Variants in GRM4 observed in about 807,000 individuals in gnomAD.
The protein encoded by GRM4 is glutamate metabotropic receptor 4, also known as metabotropic glutamate receptor 4.
A neutral mutation model predicts 81.7 loss-of-function variants in GRM4; 28 were observed. That is an observed-to-expected ratio of 0.34 (90% CI 0.25 to 0.47). The LOEUF (loss-of-function observed/expected upper bound fraction) is 0.47. Among genes scored for constraint, GRM4 ranks in the 20% least tolerant of loss-of-function variants. The probability of loss-of-function intolerance (pLI) is 1.00; values close to 1 mark genes in which losing one functional copy is unlikely to be tolerated. For missense variants in GRM4, 948 were observed against 1,290.0 expected, an observed-to-expected ratio of 0.73 and a Z score of 4.06; for synonymous variants, 488 against 528.8, an observed-to-expected ratio of 0.92 and a Z score of 1.06.
intron 2 of GRM4, chr6:34,110,965 A>C (rs1769351781): frequency 1.3e-6 from 1 of 748,620 alleles, no homozygotes. Flanking sequence ...TGCCCCACAG[A>C]CTGCAAGGAG....
chr6:34,131,844 T>C (rs143922732), intron 2 of GRM4, among the ~76,000 whole-genome samples: 26 of 152,086 alleles, frequency 1.7e-4, no homozygotes, highest in African/African-American at 6.3e-4. Flanking sequence ...AAAGGTCAAC[T>C]CCAGAGGCCG....
chr6:34,030,256 G>A (rs758175670), intron 9 of GRM4, among the ~76,000 whole-genome samples: 4 of 152,268 alleles, frequency 2.6e-5, no homozygotes, highest in Non-Finnish European at 4.4e-5. Flanking sequence ...GGGACAAGGT[G>A]TGTCTCCCTG....
In GRM4 at chr6:34,121,113, C is replaced by T. The variant is rs541734709; in HGVS notation, c.519+11865G>A. On this transcript the variant is annotated intron_variant, in intron 2 of 10. Transcript: ENST00000538487. This position sits in a 1 kb window ranked among gnomAD's most constrained non-coding sequence, Gnocchi z 4.6. ...CACTCATTTTCAATAAAGTAAAAGG[C>T]GGCGTGGTGAGAGCTGCACACACTC... 5.9e-5 allele frequency among the ~76,000 whole-genome samples: 9 copies of T among 152,186 alleles called. No individual in the cohort carries two copies. Among genetic ancestry groups the T allele is most frequent in the African/African-American group, 1.7e-4 (7 of 41,518 alleles).
chr6:34,028,075 G>GCGGGGCCTGGGGCCCGAGAGGGCAGAA (rs1764220781), intron 10 of GRM4, 45 bp downstream of exon 10: 1 of 1,571,036 alleles, frequency 6.4e-7, no homozygotes, highest in East Asian at 2.3e-5. Context: ...TGCAAAAGGA[G>GCGGGGCCTGGGGCCCGAGAGGGCAGAA]CGGGGCCTGG....
intron 3 of GRM4, among the ~76,000 whole-genome samples, chr6:34,065,595 C>G (rs1766415046): frequency 6.6e-6 from 1 of 152,200 alleles, no homozygotes; most frequent in Admixed American, 6.5e-5. Flanking sequence ...CCTTGGCAAG[C>G]CCCTGCCCAG....
rs111523516 is a variant in GRM4 at position 34,062,543 on chromosome 6, A to G, written c.737-515T>C. On this transcript the variant is annotated intron_variant, in intron 3 of 10. Transcript: ENST00000538487. Reference sequence around the variant, plus strand: ...TTATTTTTATTGTAACCCGCTCACAATGTTTCTTGGAGGGTTAAAGCTGGG... The same window carrying G: ...TTATTTTTATTGTAACCCGCTCACAGTGTTTCTTGGAGGGTTAAAGCTGGG... 611 of 145,182 alleles carry G rather than the reference A, an allele frequency of 4.2e-3. 3 individuals are homozygous for G. The highest frequency in any genetic ancestry group is 0.014 in the Middle Eastern group (4 of 290). The allele number at this position is 145,182 out of a possible 1,614,324, so 9.0% of individuals were successfully genotyped here. A position where few individuals can be genotyped will look rare whatever the true frequency, so the allele number is the denominator to read the frequency against.
intron 3 of GRM4, among the ~76,000 whole-genome samples, chr6:34,067,422 G>GTCTT (rs1766528945): frequency 2.0e-5 from 1 of 50,376 alleles, no homozygotes; most frequent in East Asian, 7.5e-4. Flanking sequence ...CCCTCCCTCC[G>GTCTT]TCCTTCCCTC....
At chr6:34,046,309 T>C (rs1765360371) in intron 6 of GRM4, among the ~76,000 whole-genome samples, 1 of 152,182 alleles carries the variant, frequency 6.6e-6, no homozygotes, top group Non-Finnish European at 1.5e-5. Context: ...CAGATGTACA[T>C]ATAAATGCTT....
At position 34,130,143 on chromosome 6, in the gene GRM4, T is replaced by C. The variant is rs1770180803; in HGVS notation, c.519+2835A>G. 6.6e-6 allele frequency among the ~76,000 whole-genome samples: 1 copy of C among 152,208 alleles called. No homozygotes were observed. Among genetic ancestry groups the C allele is most frequent in the Admixed American group, 6.5e-5 (1 of 15,284 alleles). On this transcript the variant is annotated intron_variant, in intron 2 of 10. Coordinates refer to ENST00000538487, the MANE Select transcript of GRM4 (RefSeq NM_000841.4). The surrounding 1 kb of genome is among the most constrained non-coding windows in gnomAD (Gnocchi z 4.1). ...CTCCCTCCCCAAAGTTCAATCTTTTTGCTTCTGTAAATGGCTTTTAAGTTT... is the reference window on the plus strand; with the variant it reads ...CTCCCTCCCCAAAGTTCAATCTTTTCGCTTCTGTAAATGGCTTTTAAGTTT...
intron 2 of GRM4, among the ~76,000 whole-genome samples, chr6:34,123,128 G>A (rs980891277): frequency 6.6e-6 from 1 of 152,210 alleles, no homozygotes; most frequent in African/African-American, 2.4e-5. Flanking sequence ...AGCAGAGGCA[G>A]GCCCCAAAAG....
chr6:34,044,095 G>T (rs1402517843), intron 6 of GRM4, among the ~76,000 whole-genome samples: 5 of 136,188 alleles, frequency 3.7e-5, no homozygotes, highest in Non-Finnish European at 6.4e-5. Flanking sequence ...CACACACATA[G>T]ACATACATAC....
At chr6:34,032,675 C>T (rs1273474470) in intron 9 of GRM4, among the ~76,000 whole-genome samples, 3 of 152,174 alleles carry the variant, frequency 2.0e-5, no homozygotes, top group African/African-American at 4.8e-5. Context: ...CTCAGGGACT[C>T]CCTTCATAAT....
chr6:34,149,760 C>T (rs367867796), upstream of GRM4, among the ~76,000 whole-genome samples: 88 of 152,334 alleles, frequency 5.8e-4, no homozygotes, highest in African/African-American at 2.0e-3. Flanking sequence ...AATCCTCCCA[C>T]CTCTCTGGGA....
At position 34,035,654 on chromosome 6, in the gene GRM4, C is replaced by A; in HGVS notation, c.2442+14G>T. ...TCACCTACCCACCGTCCACCCCCGG[C>A]CCCCACCACTCACCTTGTCGGCCGA... On this transcript the variant is annotated intron_variant, in intron 9 of 10. Transcript: ENST00000538487. The surrounding 1 kb of genome is among the most constrained non-coding windows in gnomAD (Gnocchi z 6.6). 2 of 1,511,368 alleles carry A rather than the reference C, an allele frequency of 1.3e-6. No individual in the cohort carries two copies. Among genetic ancestry groups the A allele is most frequent in the South Asian group, 1.2e-5 (1 of 81,094 alleles). 93.6% of individuals were successfully genotyped at this position (1,511,368 alleles called of 1,614,324 possible).
intron 1 of GRM4, among the ~76,000 whole-genome samples, chr6:34,139,736 G>C (rs1770600865): frequency 6.6e-6 from 1 of 152,248 alleles, no homozygotes; most frequent in African/African-American, 2.4e-5. Flanking sequence ...GCAAAGCCCA[G>C]GACAGGGGAT....
intron 2 of GRM4, among the ~76,000 whole-genome samples, chr6:34,127,090 C>G (rs1463553063): frequency 6.6e-6 from 1 of 152,166 alleles, no homozygotes; most frequent in Non-Finnish European, 1.5e-5. Context: ...ATGAACTGTA[C>G]AAAACCAGGC....
Position 34,133,080 on chromosome 6 carries a change from G to A in GRM4, c.417C>T (p.Gly139=), listed in dbSNP as rs776448868. 13 of 1,613,722 alleles carry A rather than the reference G, an allele frequency of 8.1e-6. No homozygotes were observed. Among genetic ancestry groups the A allele is most frequent in the South Asian group, 4.4e-5 (4 of 91,044 alleles). ...CAGGCTTGGTGATGATGGGTGGGCCGCCACTGCCACAGCGGACCTCTGTGC... is the reference window on the plus strand; with the variant it reads ...CAGGCTTGGTGATGATGGGTGGGCCACCACTGCCACAGCGGACCTCTGTGC... ...KDGTEVRCGS[G]GPPIITKPER... is the part of the protein sequence containing the mutation. Residue 139 remains glycine (G), a synonymous_variant, in exon 2 of 11, where the codon GGC becomes GGT. Coordinates refer to ENST00000538487, the MANE Select transcript of GRM4 (RefSeq NM_000841.4). The surrounding 1 kb of genome is among the most constrained non-coding windows in gnomAD (Gnocchi z 6.5).
In GRM4 at chr6:34,044,943, TAGAC is replaced by T. The variant is rs567308925; in HGVS notation, c.1169-4199_1169-4196del. ...ATATATACACAGACACACACACACATAGACATACATACACATATATACACATACA... is the reference window on the plus strand; with the variant it reads ...ATATATACACAGACACACACACACATATACATACACATATATACACATACA... On this transcript the variant is annotated intron_variant, in intron 6 of 10. Transcript: ENST00000538487. 4.2e-4 allele frequency among the ~76,000 whole-genome samples: 63 copies of T among 149,852 alleles called. No individual in the cohort carries two copies. In the East Asian group the frequency reaches 8.8e-3, roughly 21 times the overall value.
intron 10 of GRM4, among the ~76,000 whole-genome samples, chr6:34,027,732 G>A (rs926349127): frequency 6.6e-5 from 10 of 152,200 alleles, no homozygotes; most frequent in Non-Finnish European, 1.2e-4. Context: ...ACAGGCAGGG[G>A]CACAGGCAGA....
Sources: gnomAD v4.1 joint callset for allele counts (sites outside exome capture counted in the v4.1 genomes callset) on GRCh38, gnomAD v4.1.1 for gene constraint, Gnocchi (gnomAD v3.1) non-coding constraint, MANE v1.5 for transcripts, NCBI Gene and HGNC (gene_info 2026-07-23, HGNC 2026-07-21) for gene names.